SRRM2: variants seen among roughly 807,000 people sequenced by gnomAD.
SRRM2 encodes the protein serine/arginine repetitive matrix 2, also known as serine/arginine repetitive matrix protein 2.
Under a neutral mutation model 213.8 loss-of-function variants are expected in SRRM2, and 30 were observed. That is an observed-to-expected ratio of 0.14 (90% CI 0.10 to 0.19). The LOEUF (loss-of-function observed/expected upper bound fraction) is 0.19, where lower values mean the gene tolerates loss of function less well. Ranked by LOEUF, SRRM2 falls within the 10% of genes least tolerant of loss-of-function variation. SRRM2 has a pLI of 1.00. For synonymous variants in SRRM2, 2,025 were observed against 1,377.7 expected, an observed-to-expected ratio of 1.47 and a Z score of -10.40; for missense variants, 4,904 against 3,647.0, an observed-to-expected ratio of 1.34 and a Z score of -8.88.
Position 2,770,395 on chromosome 16 carries a change from C to A in SRRM2, c.8065C>A (p.Arg2689=), listed in dbSNP as rs776160225. Residue 2689 remains arginine (R), a synonymous_variant, in exon 13 of 15, where the codon CGG becomes AGG. Transcript: ENST00000301740. ...RKPIDSLRDS[R]SLSYSPVERR... Reference sequence around the variant, plus strand: ...GCCAATAGACTCCCTCAGGGACTCTCGGTCCCTCAGCTACTCGCCTGTGGA... The same window carrying A: ...GCCAATAGACTCCCTCAGGGACTCTAGGTCCCTCAGCTACTCGCCTGTGGA... 1.9e-6 allele frequency: 3 copies of A among 1,609,034 alleles called. No individual in the cohort carries two copies. Among genetic ancestry groups the A allele is most frequent in the Admixed American group, 1.7e-5 (1 of 59,548 alleles).
intron 2 of SRRM2, among the ~76,000 whole-genome samples, chr16:2,757,073 A>C (rs1328893932): frequency 1.3e-5 from 2 of 152,146 alleles, no homozygotes; most frequent in Non-Finnish European, 2.9e-5. Flanking sequence ...GAAATTTTGG[A>C]AAAGGAGCCC....
chr16:2,770,741 C>T lies in SRRM2; in HGVS notation c.8249+24C>T, dbSNP rs199753907. On this transcript the variant is annotated intron_variant, in intron 14 of 14. Transcript: ENST00000301740. Reference sequence around the variant, plus strand: ...AGGTGCGTGTCCTGGAAGGCTGATGCCCCCTTCCGGGAGCCAGTTGTGGTG... The same window carrying T: ...AGGTGCGTGTCCTGGAAGGCTGATGTCCCCTTCCGGGAGCCAGTTGTGGTG... 98 of 1,583,592 alleles carry T rather than the reference C, an allele frequency of 6.2e-5. No individual in the cohort carries two copies. In the Admixed American group the frequency reaches 6.6e-4, roughly 11 times the overall value.
rs775877961 is a variant in SRRM2 at position 2,769,183 on chromosome 16, T to A, written c.7920T>A (p.Ser2640=). ...SSSSSSSSSS[S]SSSSSSSSPS... is the part of the protein sequence containing the mutation. ...CCTCTTCTTCTTCTTCCTCCTCATC[T>A]TCCTCCTCCTCGTCGTCTTCCTCCC... is the stretch of plus-strand genomic sequence containing the variant. Residue 2640 remains serine (S), a synonymous_variant, in exon 12 of 15, where the codon TCT becomes TCA. Transcript: ENST00000301740. 1.6e-5 allele frequency: 26 copies of A among 1,611,150 alleles called. No homozygotes were observed. The highest frequency in any genetic ancestry group is 8.9e-5 in the East Asian group (4 of 44,862).
Position 2,759,002 on chromosome 16 carries a change from C to T in SRRM2, c.611C>T (p.Ser204Phe). The change falls in exon 6 of 15, where the codon TCT becomes TTT. Residue 204 changes from serine to phenylalanine, a missense_variant. Physicochemically the swap from Ser to Phe is radical, Grantham distance 155. Transcript: ENST00000301740. ...ATCTTTAGCAGGTCAGAGAGCAGCTCTCCTCGACGGGAGAGAAAGAAAAGC... is the reference window on the plus strand; with the variant it reads ...ATCTTTAGCAGGTCAGAGAGCAGCTTTCCTCGACGGGAGAGAAAGAAAAGC... ...KDRGRRSESS[S>F]PRRERKKSSK... The T allele has an allele frequency of 6.2e-7, 1 of 1,614,126 alleles. No individual in the cohort carries two copies. Among genetic ancestry groups the T allele is most frequent in the Non-Finnish European group, 8.5e-7 (1 of 1,180,026 alleles).
chr16:2,759,200 G>T, intron 7 of SRRM2, 28 bp downstream of exon 7: 1 of 1,613,182 alleles, frequency 6.2e-7, no homozygotes, highest in Non-Finnish European at 8.5e-7. Context: ...CATAGGGGGC[G>T]CAGTGGCATG....
At chr16:2,753,814 T>C (rs1432799400) in intron 1 of SRRM2, among the ~76,000 whole-genome samples, 1 of 152,230 alleles carries the variant, frequency 6.6e-6, no homozygotes. Context: ...CTGGGTTCTT[T>C]GTGTCCACTC....
intron 3 of SRRM2, 77 bp downstream of exon 3, chr16:2,757,656 G>A (rs538643690): frequency 3.2e-5 from 51 of 1,580,248 alleles, no homozygotes; most frequent in African/African-American, 1.2e-4. Context: ...TTTTCCTTAC[G>A]TGGGACTTCC....
At position 2,756,418 on chromosome 16, in the gene SRRM2, C is replaced by T. The variant is rs772757455; in HGVS notation, c.54C>T (p.Tyr18=). ...PTPRGSGTNG[Y]VQRNLSLVRG... is the part of the protein sequence containing the mutation. ...CCCGGGGCAGCGGCACCAACGGCTA[C>T]GTCCAGCGCAACCTGTCCCTGGTGC... Residue 18 remains tyrosine (Y), a synonymous_variant, in exon 2 of 15, where the codon TAC becomes TAT. Coordinates refer to ENST00000301740, the MANE Select transcript of SRRM2 (RefSeq NM_016333.4). The T allele has an allele frequency of 8.7e-6, 14 of 1,611,546 alleles. No homozygotes were observed. The highest frequency in any genetic ancestry group is 7.7e-5 in the South Asian group (7 of 90,960).
intron 1 of SRRM2, among the ~76,000 whole-genome samples, chr16:2,754,983 C>T (rs938966254): frequency 5.3e-5 from 8 of 152,194 alleles, no homozygotes; most frequent in African/African-American, 1.7e-4. Flanking sequence ...TATGATGCTT[C>T]TTCATTCTGG....
intron 12 of SRRM2, chr16:2,769,619 T>C (rs1257890592): frequency 1.7e-6 from 1 of 593,062 alleles, no homozygotes; most frequent in Non-Finnish European, 3.2e-6. Context: ...CTCCCGACTC[T>C]GTCCACAGCC....
rs746385613 is a variant in SRRM2, at chr16:2,764,439, C to G, written c.3911C>G (p.Ser1304Cys). The change falls in exon 11 of 15, where the codon TCT (serine) becomes TGT (cysteine). Residue 1304 changes from serine (S) to cysteine (C), a missense_variant. Ser to Cys is a moderately radical substitution (Grantham distance 112). Coordinates refer to ENST00000301740, the MANE Select transcript of SRRM2 (RefSeq NM_016333.4). Reference protein sequence around the residue: ...EAVEVPSMASSWGGPHFSPEH... With the variant: ...EAVEVPSMASCWGGPHFSPEH... Reference sequence around the variant, plus strand: ...GTAGAAGTCCCTTCAATGGCCTCATCTTGGGGTGGGCCACATTTTTCTCCA... The same window carrying G: ...GTAGAAGTCCCTTCAATGGCCTCATGTTGGGGTGGGCCACATTTTTCTCCA... The G allele has an allele frequency of 1.2e-5, 20 of 1,613,076 alleles. No homozygotes were observed. In the Middle Eastern group the frequency reaches 5.0e-4, roughly 40 times the overall value.
rs1394555618 is a variant in SRRM2, at chr16:2,764,687, T to C, written c.4159T>C (p.Ser1387Pro). The change falls in exon 11 of 15, where the codon TCC (serine) becomes CCC (proline). Residue 1387 changes from serine to proline, a missense_variant. By Grantham distance (74) the Ser-to-Pro change is moderately conservative. Transcript: ENST00000301740. ...RSSGHSSSEL[S>P]PDAVEKAGMS... is the part of the protein sequence containing the mutation. ...CTCTGGACACAGCAGTTCTGAGTTA[T>C]CCCCAGATGCAGTGGAAAAGGCAGG... 2 of 1,614,112 alleles carry C rather than the reference T, an allele frequency of 1.2e-6. No homozygotes were observed. Among genetic ancestry groups the C allele is most frequent in the East Asian group, 2.2e-5 (1 of 44,894 alleles).
rs1384788211 is a variant in SRRM2, at chr16:2,766,068, C to A, written c.5540C>A (p.Thr1847Asn). The A allele has an allele frequency of 6.2e-7, 1 of 1,614,188 alleles. No individual in the cohort carries two copies. Residue 1847 changes from threonine (T) to asparagine (N), a missense_variant, in exon 11 of 15, where the codon ACC becomes AAC. Coordinates refer to ENST00000301740, the MANE Select transcript of SRRM2 (RefSeq NM_016333.4). The surrounding 1 kb of genome is among the most constrained non-coding windows in gnomAD (Gnocchi z 7.0). ...RRRGRSRTPP[T>N]SRKRSRSRTS... ...AGAGGCCGCTCTCGGACACCCCCAA[C>A]CAGTCGGAAGCGTTCTCGCTCACGC...
intron 1 of SRRM2, among the ~76,000 whole-genome samples, chr16:2,754,794 G>A (rs924845721): frequency 6.6e-6 from 1 of 152,026 alleles, no homozygotes; most frequent in African/African-American, 2.4e-5. Flanking sequence ...TGAGGATTGG[G>A]GTGTAGAGAA....
In SRRM2 at chr16:2,766,611, G is replaced by A. The variant is rs199611423; in HGVS notation, c.6083G>A (p.Arg2028His). ...TCCCGGACACCTCCAGCTATTCGGC[G>A]CCGCTCTAGATCTCGAACGCCACTG... is the stretch of plus-strand genomic sequence containing the variant. ...SRSRTPPAIR[R>H]RSRSRTPLLP... The change falls in exon 11 of 15, where the codon CGC becomes CAC. Residue 2028 changes from arginine to histidine, a missense_variant. By Grantham distance (29) the Arg-to-His change is conservative. Coordinates refer to ENST00000301740, the MANE Select transcript of SRRM2 (RefSeq NM_016333.4). This position sits in a 1 kb window ranked among gnomAD's most constrained non-coding sequence, Gnocchi z 7.0. The A allele has an allele frequency of 1.1e-4, 173 of 1,613,638 alleles. No homozygotes were observed. Among genetic ancestry groups the A allele is most frequent in the Admixed American group, 2.0e-4 (12 of 59,994 alleles).
intron 7 of SRRM2, 74 bp downstream of exon 7, chr16:2,759,246 A>C: frequency 6.2e-7 from 1 of 1,605,068 alleles, no homozygotes; most frequent in Middle Eastern, 1.7e-4. Flanking sequence ...AGTGAAGCTC[A>C]ATTCCTTGAT....
At chr16:2,768,595 C>A (rs2068625413) in intron 11 of SRRM2, 1 of 632,254 alleles carries the variant, frequency 1.6e-6, no homozygotes, top group Non-Finnish European at 2.9e-6. Flanking sequence ...GAAGGATCTT[C>A]AGAGGTCATC....
In SRRM2 at chr16:2,765,494, G is replaced by C. The variant is rs745985988; in HGVS notation, c.4966G>C (p.Glu1656Gln). ...TTCTCCTGAAGGAAGCAGCAGTACC[G>C]AGTCCTCTCCTGAACATCCGCCCAA... ...GPSPEGSSST[E>Q]SSPEHPPKSR... The change falls in exon 11 of 15, where the codon GAG becomes CAG. Residue 1656 changes from glutamate to glutamine, a missense_variant. Physicochemically the swap from Glu to Gln is conservative, Grantham distance 29. Transcript: ENST00000301740. 1.2e-6 allele frequency: 2 copies of C among 1,614,118 alleles called. No homozygotes were observed. Among genetic ancestry groups the C allele is most frequent in the South Asian group, 1.1e-5 (1 of 91,074 alleles).
At chr16:2,761,306 T>C (rs1466997775) in intron 10 of SRRM2, among the ~76,000 whole-genome samples, 1 of 152,258 alleles carries the variant, frequency 6.6e-6, no homozygotes, top group Non-Finnish European at 1.5e-5. Context: ...TGTAGTGGTA[T>C]TTGTTAAATG....
Sources: allele counts gnomAD v4.1 joint callset (sites outside exome capture counted in the v4.1 genomes callset), GRCh38; gene constraint gnomAD v4.1.1; non-coding constraint Gnocchi (gnomAD v3.1); transcripts MANE v1.5; gene names NCBI Gene and HGNC (gene_info 2026-07-23, HGNC 2026-07-21).